The following MARCHF8 variants were observed in gnomAD, a reference collection of about 807,000 sequenced individuals.
The protein encoded by MARCHF8 is membrane associated ring-CH-type finger 8.
MARCHF8 carries 40 observed loss-of-function variants against 51.6 expected under a neutral mutation model. That is an observed-to-expected ratio of 0.77 (90% CI 0.60 to 1.01). MARCHF8 has a LOEUF of 1.01. Ranked by LOEUF, MARCHF8 falls within the 50% of genes least tolerant of loss-of-function variation. The probability of loss-of-function intolerance (pLI) is 0.00; values close to 1 mark genes in which losing one functional copy is unlikely to be tolerated. For synonymous variants in MARCHF8, 263 were observed against 280.3 expected (o/e 0.94, Z 0.62); for missense variants, 685 against 708.6 (o/e 0.97, Z 0.38).
chr10:45,492,519 G>A (rs1412521783), intron 2 of MARCHF8, among the ~76,000 whole-genome samples: 1 of 152,040 alleles, frequency 6.6e-6, no homozygotes, highest in East Asian at 1.9e-4. Flanking sequence ...GGATGGTCTC[G>A]ATCTCCTGAC....
rs1842709418 is a variant in MARCHF8 at position 45,459,218 on chromosome 10, G to A, written c.1319C>T (p.Ser440Leu). ...GATGGCAATGACGTGGAATGTCACT[G>A]AGCACATGATCTTCCTGCGCTCGCT... Reference protein sequence around the residue: ...TSSERRKIMCSVTFHVIAITC... With the variant: ...TSSERRKIMCLVTFHVIAITC... Residue 440 changes from serine (S) to leucine (L), a missense_variant, in exon 7 of 8, where the codon TCA becomes TTA. Coordinates refer to ENST00000453424, the MANE Select transcript of MARCHF8 (RefSeq NM_001282866.2). The A allele has an allele frequency of 6.2e-7, 1 of 1,614,054 alleles. No individual in the cohort carries two copies. The highest frequency in any genetic ancestry group is 1.3e-5 in the African/African-American group (1 of 75,020).
At chr10:45,532,019 A>C (rs2043895784) in intron 2 of MARCHF8, among the ~76,000 whole-genome samples, 1 of 152,144 alleles carries the variant, frequency 6.6e-6, no homozygotes. Context: ...GGGCCCTGCA[A>C]GTTCCTGGTT....
chr10:45,527,782 A>T (rs118021889), intron 2 of MARCHF8, among the ~76,000 whole-genome samples: 1 of 152,138 alleles, frequency 6.6e-6, no homozygotes, highest in African/African-American at 2.4e-5. Flanking sequence ...ACCAAATCCA[A>T]GCAAGGACAC....
chr10:45,545,823 AAAG>A (rs2044112469), intron 1 of MARCHF8, among the ~76,000 whole-genome samples: 1 of 152,186 alleles, frequency 6.6e-6, no homozygotes, highest in East Asian at 1.9e-4. Flanking sequence ...CTCAGCCAGG[AAAG>A]AAGGCTCCCC....
chr10:45,571,224 C>T (rs1285307278), intron 1 of MARCHF8, among the ~76,000 whole-genome samples: 1 of 152,290 alleles, frequency 6.6e-6, no homozygotes, highest in East Asian at 1.9e-4. Context: ...GTGACCTGCA[C>T]CTATACATCA....
chr10:45,503,615 C>T (rs1476830495), intron 2 of MARCHF8, among the ~76,000 whole-genome samples: 1 of 151,484 alleles, frequency 6.6e-6, no homozygotes, highest in East Asian at 1.9e-4. Context: ...TATATGCTAT[C>T]TATAGGAAAC....
At chr10:45,565,241 G>A (rs2044351768) in intron 1 of MARCHF8, among the ~76,000 whole-genome samples, 1 of 151,874 alleles carries the variant, frequency 6.6e-6, no homozygotes, top group Admixed American at 6.6e-5. Flanking sequence ...GACCAGCCTG[G>A]GCAACATGGT....
At chr10:45,528,589 C>A (rs868484013) in intron 2 of MARCHF8, among the ~76,000 whole-genome samples, 113 of 152,172 alleles carry the variant, frequency 7.4e-4, no homozygotes, top group African/African-American at 2.5e-3. Context: ...CATCCCAAGT[C>A]GCTGGGACTT....
chr10:45,564,149 A>G (rs1208458378), intron 1 of MARCHF8, among the ~76,000 whole-genome samples: 1 of 152,134 alleles, frequency 6.6e-6, no homozygotes, highest in Admixed American at 6.5e-5. Flanking sequence ...GGTGGCAGGC[A>G]CCTGTAATCC....
intron 1 of MARCHF8, among the ~76,000 whole-genome samples, chr10:45,594,031 T>C (rs2044709504): frequency 6.6e-6 from 1 of 152,180 alleles, no homozygotes; most frequent in Admixed American, 6.5e-5. Flanking sequence ...ATTTTTACAA[T>C]TTGGGCTTCC....
At chr10:45,476,522 C>T (rs1469339303) in intron 3 of MARCHF8, among the ~76,000 whole-genome samples, 2 of 152,278 alleles carry the variant, frequency 1.3e-5, no homozygotes, top group East Asian at 1.9e-4. Context: ...TAGCTATGAT[C>T]GCACCACTGT....
At chr10:45,539,439 G>C (rs900383447), upstream of MARCHF8, among the ~76,000 whole-genome samples, 5 of 152,274 alleles carry the variant, frequency 3.3e-5, no homozygotes, top group African/African-American at 9.6e-5. Flanking sequence ...ACATTCAAAA[G>C]CTAGCAGAAG....
At chr10:45,576,134 G>A (rs776076613) in intron 1 of MARCHF8, among the ~76,000 whole-genome samples, 1 of 152,278 alleles carries the variant, frequency 6.6e-6, no homozygotes, top group Middle Eastern at 3.4e-3. Context: ...ACAATAATCA[G>A]GAGAGTACTG....
chr10:45,484,335 A>G (rs2042942239), intron 3 of MARCHF8, among the ~76,000 whole-genome samples: 1 of 152,224 alleles, frequency 6.6e-6, no homozygotes, highest in Admixed American at 6.5e-5. Context: ...CATCTGGGGA[A>G]CATCCTCCAG....
Position 45,458,268 on chromosome 10 carries a change from C to T in MARCHF8, c.1693G>A (p.Asp565Asn). 6.2e-7 allele frequency: 1 copy of T among 1,613,558 alleles called. No homozygotes were observed. Residue 565 changes from aspartate (D) to asparagine (N), a missense_variant, in exon 8 of 8, where the codon GAC (aspartate) becomes AAC (asparagine). Asp to Asn is a conservative substitution (Grantham distance 23). Coordinates refer to ENST00000453424, the MANE Select transcript of MARCHF8 (RefSeq NM_001282866.2). ...ACGTGAATGATTTCTGCTCCAGTGTCTTCAGGCTCTGTGCAACAAGAAGAG... is the reference window on the plus strand; with the variant it reads ...ACGTGAATGATTTCTGCTCCAGTGTTTTCAGGCTCTGTGCAACAAGAAGAG... ...TNSSCCTEPE[D>N]TGAEIIHV
intron 2 of MARCHF8, among the ~76,000 whole-genome samples, chr10:45,512,116 G>A (rs915714021): frequency 7.3e-5 from 11 of 151,016 alleles, no homozygotes; most frequent in Non-Finnish European, 1.0e-4. Context: ...TCTGGGATGT[G>A]AGAGCGCCCA....
At chr10:45,467,761 C>T (rs1465516422) in intron 3 of MARCHF8, among the ~76,000 whole-genome samples, 3 of 151,792 alleles carry the variant, frequency 2.0e-5, no homozygotes, top group Non-Finnish European at 4.4e-5. Flanking sequence ...ACGTGTGAGC[C>T]GGGGGCAGTA....
At chr10:45,499,709 A>G (rs2043243163) in intron 2 of MARCHF8, among the ~76,000 whole-genome samples, 2 of 152,108 alleles carry the variant, frequency 1.3e-5, no homozygotes, top group Admixed American at 1.3e-4. Context: ...CTCACTGACT[A>G]GTCTCGGCGC....
At chr10:45,577,280 T>A (rs1202151769) in intron 1 of MARCHF8, among the ~76,000 whole-genome samples, 1 of 151,588 alleles carries the variant, frequency 6.6e-6, no homozygotes, top group Admixed American at 6.6e-5. Context: ...AAAAAAAAAA[T>A]TGAAAGGATG....
Sources: gnomAD v4.1 joint callset for allele counts (sites outside exome capture counted in the v4.1 genomes callset) on GRCh38, gnomAD v4.1.1 for gene constraint, MANE v1.5 for transcripts, NCBI Gene and HGNC (gene_info 2026-07-23, HGNC 2026-07-21) for gene names.